Variants in ADRA1D observed in about 807,000 individuals in gnomAD.
The protein encoded by ADRA1D is adrenoceptor alpha 1D.
In ADRA1D, 22 loss-of-function variants were observed where a neutral mutation model predicts 18.6. That is an observed-to-expected ratio of 1.19 (90% CI 0.85 to 1.69). ADRA1D has a LOEUF of 1.69. ADRA1D is among the 40% of genes most tolerant of loss of function. The pLI, the probability that ADRA1D is intolerant of heterozygous loss-of-function variation, is 0.00. For missense variants in ADRA1D, 840 were observed against 840.7 expected, an observed-to-expected ratio of 1.00 and a Z score of 0.01; for synonymous variants, 376 against 388.2, an observed-to-expected ratio of 0.97 and a Z score of 0.37.
chr20:4,240,303 T>C (rs1478310593), intron 1 of ADRA1D, among the ~76,000 whole-genome samples: 6 of 152,090 alleles, frequency 3.9e-5, no homozygotes, highest in Admixed American at 3.9e-4. Context: ...GGATTCTGCT[T>C]CAAACAAACC....
At position 4,234,417 on chromosome 20, in the gene ADRA1D, A is replaced by T. The variant is rs1489631292; in HGVS notation, c.1112-12287T>A. 2.0e-5 allele frequency among the ~76,000 whole-genome samples: 3 copies of T among 152,274 alleles called. No homozygotes were observed. In the East Asian group the frequency reaches 5.8e-4, roughly 29 times the overall value. Reference sequence around the variant, plus strand: ...TGCTCATAACTTGTAGATGACCATGAAATATCAGGCTGCACCCCAGCCTCC... The same window carrying T: ...TGCTCATAACTTGTAGATGACCATGTAATATCAGGCTGCACCCCAGCCTCC... On this transcript the variant is annotated intron_variant, in intron 1 of 1. Transcript: ENST00000379453.
chr20:4,227,061 A>G (rs1980817167), intron 1 of ADRA1D, among the ~76,000 whole-genome samples: 1 of 152,224 alleles, frequency 6.6e-6, no homozygotes, highest in African/African-American at 2.4e-5. Context: ...TCCGTGGCAT[A>G]CCATGAGTGT....
At chr20:4,231,064 T>TTCTTTCTCTCTC (rs1491147056) in intron 1 of ADRA1D, among the ~76,000 whole-genome samples, 1 of 97,924 alleles carries the variant, frequency 1.0e-5, no homozygotes, top group African/African-American at 4.7e-5. Context: ...CTTTCTTTCT[T>TTCTTTCTCTCTC]TCTCTCTCTC....
intron 1 of ADRA1D, among the ~76,000 whole-genome samples, chr20:4,228,040 C>T (rs1046023727): frequency 4.6e-5 from 7 of 152,154 alleles, no homozygotes; most frequent in Non-Finnish European, 1.0e-4. Flanking sequence ...CACTTAAAAT[C>T]CATTAGCCAC....
At chr20:4,243,204 A>C (rs1981257451) in intron 1 of ADRA1D, among the ~76,000 whole-genome samples, 1 of 151,976 alleles carries the variant, frequency 6.6e-6, no homozygotes. Flanking sequence ...TTTATCAGGG[A>C]CTTTTCCAAC....
At chr20:4,231,574 G>A (rs1980971580) in intron 1 of ADRA1D, among the ~76,000 whole-genome samples, 1 of 152,210 alleles carries the variant, frequency 6.6e-6, no homozygotes, top group Admixed American at 6.5e-5. Flanking sequence ...CCTCTAATGT[G>A]CAGAGGAAGG....
intron 1 of ADRA1D, among the ~76,000 whole-genome samples, chr20:4,233,415 T>C (rs2122665260): frequency 6.6e-6 from 1 of 152,136 alleles, no homozygotes; most frequent in East Asian, 1.9e-4. Flanking sequence ...GAGCTATGAT[T>C]GCATCACTGC....
At position 4,245,074 on chromosome 20, in the gene ADRA1D, A is replaced by G. The variant is rs575498102; in HGVS notation, c.1111+2773T>C. Among the ~76,000 whole-genome samples the G allele has an allele frequency of 1.3e-5, 2 of 152,338 alleles. 1 individual carries two copies. Among genetic ancestry groups the G allele is most frequent in the East Asian group, 3.9e-4 (2 of 5,190 alleles). ...GCCAGCAAGGAGCAAAGGTCATGGA[A>G]ATTAAGGGATGACTTCCTGGAAGAG... On this transcript the variant is annotated intron_variant, in intron 1 of 1. Coordinates refer to ENST00000379453, the MANE Select transcript of ADRA1D (RefSeq NM_000678.4).
At position 4,248,722 on chromosome 20, in the gene ADRA1D, C is replaced by T; in HGVS notation, c.236G>A (p.Gly79Asp). The T allele has an allele frequency of 6.5e-7, 1 of 1,548,098 alleles. No individual in the cohort carries two copies. The highest frequency in any genetic ancestry group is 8.7e-7 in the Non-Finnish European group (1 of 1,146,316). The change falls in exon 1 of 2, where the codon GGC (glycine) becomes GAC (aspartate). Residue 79 changes from glycine (G) to aspartate (D), a missense_variant. By Grantham distance (94) the Gly-to-Asp change is moderately conservative (BLOSUM62 -1). Transcript: ENST00000379453. ...GACGGCCGCCGTGCCATTCACGTCG[C>T]CGCCCGCGCCCGCGCTCCCCGGCTC... ...AGEPGSAGAG[G>D]DVNGTAAVGG...
Position 4,248,743 on chromosome 20 carries a change from G to A in ADRA1D, c.215C>T (p.Pro72Leu). 1.3e-6 allele frequency: 2 copies of A among 1,528,518 alleles called. No homozygotes were observed. The highest frequency in any genetic ancestry group is 1.2e-5 in the South Asian group (1 of 81,574). 94.7% of individuals were successfully genotyped at this position (1,528,518 alleles called of 1,614,324 possible). ...GTCGCCGCCCGCGCCCGCGCTCCCC[G>A]GCTCCCCCGCGGAGCTCCGGTTGTC... Reference protein sequence around the residue: ...GEDNRSSAGEPGSAGAGGDVN... With the variant: ...GEDNRSSAGELGSAGAGGDVN... Residue 72 changes from proline (P) to leucine (L), a missense_variant, in exon 1 of 2, where the codon CCG becomes CTG. Coordinates refer to ENST00000379453, the MANE Select transcript of ADRA1D (RefSeq NM_000678.4).
Position 4,249,064 on chromosome 20 carries a change from G to A in ADRA1D, c.-107C>T, listed in dbSNP as rs1489364113. The A allele has an allele frequency of 4.5e-6, 4 of 881,382 alleles. No homozygotes were observed. The African/African-American group carries it at 7.3e-5, about 16-fold the overall frequency. 54.6% of individuals were successfully genotyped at this position (881,382 alleles called of 1,614,324 possible). A position where few individuals can be genotyped will look rare whatever the true frequency, so the allele number is the denominator to read the frequency against. On this transcript the variant is annotated 5_prime_UTR_variant, in exon 1 of 2. Transcript: ENST00000379453. ...GGCTCCAGATGCAGCTCCGCGCACGGGTCCCGTCGGGGTCCTGCCCAAGTT... is the reference window on the plus strand; with the variant it reads ...GGCTCCAGATGCAGCTCCGCGCACGAGTCCCGTCGGGGTCCTGCCCAAGTT...
At chr20:4,225,398 T>C (rs1008320824) in intron 1 of ADRA1D, among the ~76,000 whole-genome samples, 3 of 151,182 alleles carry the variant, frequency 2.0e-5, no homozygotes, top group South Asian at 2.1e-4. Context: ...TCTTAAAAAG[T>C]ATTGGTAGCT....
At position 4,221,575 on chromosome 20, in the gene ADRA1D, C is replaced by T; in HGVS notation, c.1667G>A (p.Cys556Tyr). ...GTAGTCGGCCAATTCGTAGGCCTGG[C>T]AGGTGGCGCCCTCGGCCACCTCGTG... ...VPHEVAEGAT[C>Y]QAYELADYSN... Residue 556 changes from cysteine to tyrosine, a missense_variant, in exon 2 of 2, where the codon TGC becomes TAC. By Grantham distance (194) the Cys-to-Tyr change is radical. Transcript: ENST00000379453. 3 of 1,612,776 alleles carry T rather than the reference C, an allele frequency of 1.9e-6. No homozygotes were observed. Among genetic ancestry groups the T allele is most frequent in the Non-Finnish European group, 2.5e-6 (3 of 1,179,118 alleles).
At chr20:4,231,083 T>TC (rs769994671) in intron 1 of ADRA1D, among the ~76,000 whole-genome samples, 1,470 of 74,300 alleles carry the variant, frequency 0.02, 11 homozygotes, top group East Asian at 0.031. Context: ...TCTCTCTCTC[T>TC]TTTCTTTTCT....
chr20:4,222,388 C>T lies in ADRA1D; in HGVS notation c.1112-258G>A. On this transcript the variant is annotated intron_variant, in intron 1 of 1. Transcript: ENST00000379453. The surrounding 1 kb of genome is among the most constrained non-coding windows in gnomAD (Gnocchi z 4.3). Reference sequence around the variant, plus strand: ...AAACCAGAGTAGAGTTAGACAAAACCACGTGCAATTGCTGTTTTTGTAGCT... The same window carrying T: ...AAACCAGAGTAGAGTTAGACAAAACTACGTGCAATTGCTGTTTTTGTAGCT... The T allele has an allele frequency of 2.6e-6, 1 of 385,510 alleles. No individual in the cohort carries two copies. The highest frequency in any genetic ancestry group is 4.5e-6 in the Non-Finnish European group (1 of 223,936). 23.9% of individuals were successfully genotyped at this position (385,510 alleles called of 1,614,324 possible).
intron 1 of ADRA1D, among the ~76,000 whole-genome samples, chr20:4,224,936 G>T (rs972252111): frequency 3.3e-5 from 5 of 151,518 alleles, no homozygotes; most frequent in Admixed American, 6.6e-5. Flanking sequence ...GCATCATATG[G>T]CACAGGCTTC....
chr20:4,234,332 C>T (rs929847806), intron 1 of ADRA1D, among the ~76,000 whole-genome samples: 1 of 152,172 alleles, frequency 6.6e-6, no homozygotes, highest in African/African-American at 2.4e-5. Context: ...TAATAGCACT[C>T]TTTTGGCATC....
At position 4,247,967 on chromosome 20, in the gene ADRA1D, T is replaced by C. The variant is rs1276717867; in HGVS notation, c.991A>G (p.Ser331Gly). Residue 331 changes from serine (S) to glycine (G), a missense_variant, in exon 1 of 2, where the codon AGC becomes GGC. Transcript: ENST00000379453. ...MRSAKGHTFR[S>G]SLSVRLLKFS... The stretch of plus-strand genomic sequence containing the variant: ...TTGAGCAGGCGCACGGAGAGCGAGC[T>C]GCGGAAGGTGTGGCCCTTGGCGCTG... 5.7e-6 allele frequency: 9 copies of C among 1,586,880 alleles called. No individual in the cohort carries two copies. In the South Asian group the frequency reaches 9.2e-5, roughly 16 times the overall value.
intron 1 of ADRA1D, among the ~76,000 whole-genome samples, chr20:4,227,620 C>T (rs749326272): frequency 6.6e-6 from 1 of 152,014 alleles, no homozygotes. Flanking sequence ...TTGGTCCAGG[C>T]TACCATCGTT....
Sources: gnomAD v4.1 joint callset for allele counts (sites outside exome capture counted in the v4.1 genomes callset) on GRCh38, gnomAD v4.1.1 for gene constraint, Gnocchi (gnomAD v3.1) non-coding constraint, MANE v1.5 for transcripts, NCBI Gene and HGNC (gene_info 2026-07-23, HGNC 2026-07-21) for gene names.